BBX: variants seen among roughly 807,000 people sequenced by gnomAD.
BBX encodes BBX high mobility group box domain containing.
In BBX, 30 loss-of-function variants were observed where a neutral mutation model predicts 100.2. The ratio of observed to expected loss-of-function variants is 0.30; its 90% CI spans 0.22 to 0.41. BBX has a LOEUF of 0.41. Ranked by LOEUF, BBX falls within the 10% of genes least tolerant of loss-of-function variation. The pLI, the probability that BBX is intolerant of heterozygous loss-of-function variation, is 1.00. For synonymous variants in BBX, 376 were observed against 388.1 expected (o/e 0.97, Z 0.37); for missense variants, 1,023 against 1,129.8 (o/e 0.91, Z 1.35).
rs372302795 is a variant in BBX at position 107,805,367 on chromosome 3, C to T, written c.2739-3C>T. 3.7e-6 allele frequency: 6 copies of T among 1,605,110 alleles called. No homozygotes were observed. In the African/African-American group the frequency reaches 6.7e-5, roughly 18 times the overall value. Reference sequence around the variant, plus strand: ...GTGACTTTTTCTTCCTTTTATTTTACAGAGGTCAGAGGTCAACTCCGCTCA... The same window carrying T: ...GTGACTTTTTCTTCCTTTTATTTTATAGAGGTCAGAGGTCAACTCCGCTCA... On this transcript the variant is annotated splice_region_variant and splice_polypyrimidine_tract_variant and intron_variant, in intron 17 of 17. Transcript: ENST00000325805.
At chr3:107,768,575 A>G (rs74868301) in intron 10 of BBX, among the ~76,000 whole-genome samples, 3,437 of 152,270 alleles carry the variant, frequency 0.023, 138 homozygotes, top group African/African-American at 0.079. Flanking sequence ...GATAATTCAC[A>G]TTTTGAAGAG....
intron 2 of BBX, among the ~76,000 whole-genome samples, chr3:107,573,692 G>A (rs1005410557): frequency 2.0e-5 from 3 of 152,198 alleles, no homozygotes; most frequent in Non-Finnish European, 4.4e-5. Flanking sequence ...GAAATAAACA[G>A]CTTTGGTTTC....
chr3:107,683,248 G>C (rs543125081), intron 3 of BBX, among the ~76,000 whole-genome samples: 8 of 152,150 alleles, frequency 5.3e-5, no homozygotes, highest in African/African-American at 1.9e-4. Context: ...CTTGTTAGAG[G>C]TCCCCCCTGC....
intron 3 of BBX, among the ~76,000 whole-genome samples, chr3:107,658,433 C>G (rs1308469193): frequency 1.3e-5 from 2 of 152,070 alleles, no homozygotes; most frequent in African/African-American, 4.8e-5. Context: ...ATTGGCATTA[C>G]AGAGGAATGA....
At chr3:107,576,608 A>G (rs752740274) in intron 2 of BBX, among the ~76,000 whole-genome samples, 59 of 152,326 alleles carry the variant, frequency 3.9e-4, no homozygotes, top group Non-Finnish European at 7.9e-4. Context: ...GAGCAGTGAG[A>G]CATTAATCAG....
At chr3:107,696,579 A>G (rs1297016836) in intron 3 of BBX, among the ~76,000 whole-genome samples, 1 of 151,866 alleles carries the variant, frequency 6.6e-6, no homozygotes, top group Non-Finnish European at 1.5e-5. Flanking sequence ...TGTTAGTCTG[A>G]TAGGCTTCCC....
chr3:107,653,884 A>G (rs958849071), intron 3 of BBX, among the ~76,000 whole-genome samples: 7 of 152,136 alleles, frequency 4.6e-5, no homozygotes, highest in African/African-American at 1.7e-4. Context: ...ATACTGAAGA[A>G]TTGCCAAATA....
At chr3:107,762,043 G>A (rs2065941291) in intron 10 of BBX, among the ~76,000 whole-genome samples, 2 of 152,172 alleles carry the variant, frequency 1.3e-5, no homozygotes, top group Admixed American at 1.3e-4. Flanking sequence ...GACCCGTGTG[G>A]TGGGTTTCTT....
At chr3:107,754,180 A>G (rs2065291718) in intron 9 of BBX, among the ~76,000 whole-genome samples, 1 of 152,184 alleles carries the variant, frequency 6.6e-6, no homozygotes, top group Non-Finnish European at 1.5e-5. Context: ...TCTATTATAG[A>G]GCGTTGATTC....
At chr3:107,536,515 G>T (rs977283229) in intron 2 of BBX, among the ~76,000 whole-genome samples, 1 of 152,070 alleles carries the variant, frequency 6.6e-6, no homozygotes, top group South Asian at 2.1e-4. Context: ...TTCCGAAGGC[G>T]CTCGTCTTTT....
chr3:107,645,207 A>G (rs1451739205), intron 2 of BBX, among the ~76,000 whole-genome samples: 1 of 152,220 alleles, frequency 6.6e-6, no homozygotes, highest in African/African-American at 2.4e-5. Context: ...ATATATTTGC[A>G]GTGTTATTAA....
At chr3:107,713,030 T>C (rs1196807411) in intron 4 of BBX, among the ~76,000 whole-genome samples, 1 of 152,180 alleles carries the variant, frequency 6.6e-6, no homozygotes, top group Non-Finnish European at 1.5e-5. Flanking sequence ...CCATAGCCAC[T>C]TCAAATTCAG....
At chr3:107,690,408 G>A (rs1303846742) in intron 3 of BBX, among the ~76,000 whole-genome samples, 3 of 152,158 alleles carry the variant, frequency 2.0e-5, no homozygotes, top group Admixed American at 1.3e-4. Context: ...CACAAAGTAC[G>A]TTGGAGATTC....
intron 4 of BBX, chr3:107,711,497 A>G (rs2061719821): frequency 2.9e-6 from 1 of 345,574 alleles, no homozygotes; most frequent in Non-Finnish European, 5.7e-6. Context: ...CTTGGCTTTC[A>G]TCAGGAATTA....
chr3:107,653,678 T>C (rs917521123), intron 3 of BBX, among the ~76,000 whole-genome samples: 7 of 152,294 alleles, frequency 4.6e-5, no homozygotes, highest in African/African-American at 1.7e-4. Context: ...ACATTTACCG[T>C]AAAGCAATTT....
intron 2 of BBX, among the ~76,000 whole-genome samples, chr3:107,530,043 G>C (rs1002335982): frequency 6.6e-6 from 1 of 152,154 alleles, no homozygotes; most frequent in African/African-American, 2.4e-5. Flanking sequence ...AAATATGTAA[G>C]TTCGAGAATC....
At chr3:107,574,448 T>A (rs1204069031) in intron 2 of BBX, among the ~76,000 whole-genome samples, 1 of 152,208 alleles carries the variant, frequency 6.6e-6, no homozygotes, top group Non-Finnish European at 1.5e-5. Context: ...CTTAGATAAG[T>A]ATCTATTAAA....
At chr3:107,742,576 A>G (rs1260356131) in intron 7 of BBX, among the ~76,000 whole-genome samples, 6 of 152,130 alleles carry the variant, frequency 3.9e-5, no homozygotes, top group Non-Finnish European at 8.8e-5. Flanking sequence ...TGATTCTATT[A>G]CTGTTATTTT....
chr3:107,743,430 A>G (rs1319208686), intron 7 of BBX, among the ~76,000 whole-genome samples: 2 of 152,232 alleles, frequency 1.3e-5, no homozygotes, highest in Admixed American at 6.5e-5. Context: ...TAGTGACAAT[A>G]AGAGAGTCAG....
Sources: gnomAD v4.1 joint callset for allele counts (sites outside exome capture counted in the v4.1 genomes callset) on GRCh38, gnomAD v4.1.1 for gene constraint, MANE v1.5 for transcripts, NCBI Gene and HGNC (gene_info 2026-07-23, HGNC 2026-07-21) for gene names.